Variants in ADGRG2 observed in about 807,000 individuals in gnomAD.
ADGRG2 encodes the protein G protein-coupled receptor 64.
In ADGRG2, 26 loss-of-function variants were observed where a neutral mutation model predicts 74.1. That is an observed-to-expected ratio of 0.35 (90% CI 0.26 to 0.49). The LOEUF is 0.49. Ranked by LOEUF, ADGRG2 falls within the 20% of genes least tolerant of loss-of-function variation. The pLI, the probability that ADGRG2 is intolerant of heterozygous loss-of-function variation, is 0.99. For synonymous variants in ADGRG2, 296 were observed against 295.2 expected, an observed-to-expected ratio of 1.00 and a Z score of -0.03; for missense variants, 619 against 763.1, an observed-to-expected ratio of 0.81 and a Z score of 2.22.
intron 15 of ADGRG2, among the ~76,000 whole-genome samples, chrX:19,015,812 T>C (rs1271173218): frequency 1.8e-5 from 2 of 112,311 alleles, no homozygotes; most frequent in Non-Finnish European, 3.8e-5. Flanking sequence ...TCAGGCTCCA[T>C]TCCCTAAACT....
At chrX:19,034,737 A>G (rs2060899303) in intron 7 of ADGRG2, 1 of 111,351 alleles carries the variant, frequency 9.0e-6, no homozygotes, top group African/African-American at 3.3e-5. Context: ...GATCGAGACT[A>G]TCCTGGCTAA....
chrX:19,038,782 T>C (rs925509107), intron 4 of ADGRG2, among the ~76,000 whole-genome samples: 6 of 111,529 alleles, frequency 5.4e-5, no homozygotes, highest in Admixed American at 4.8e-4. Flanking sequence ...ACCCAGTGTG[T>C]CCCCCCAGAG....
chrX:19,089,527 C>T (rs1270836164), intron 1 of ADGRG2, among the ~76,000 whole-genome samples: 9 of 111,640 alleles, frequency 8.1e-5, no homozygotes, highest in African/African-American at 2.9e-4. Flanking sequence ...ATTGCAAAAT[C>T]CATGCAATGT....
intron 15 of ADGRG2, among the ~76,000 whole-genome samples, chrX:19,015,393 G>A (rs1335827832): frequency 1.8e-5 from 2 of 112,335 alleles, no homozygotes; most frequent in African/African-American, 6.5e-5. Flanking sequence ...GAGGATAAAG[G>A]GTGTCAGACA....
At chrX:19,005,688 G>C (rs1264672770) in intron 22 of ADGRG2, among the ~76,000 whole-genome samples, 1 of 109,835 alleles carries the variant, frequency 9.1e-6, no homozygotes, top group East Asian at 2.9e-4. Context: ...TGAGTAGCTG[G>C]GACTACAGGT....
At chrX:19,092,602 G>GC (rs1396805950) in intron 1 of ADGRG2, among the ~76,000 whole-genome samples, 1 of 111,459 alleles carries the variant, frequency 9.0e-6, no homozygotes, top group East Asian at 2.8e-4. Context: ...AAGCAGTCCT[G>GC]CAGCTCCAAG....
rs564254231 is a variant in ADGRG2, at chrX:19,014,804, T to C, written c.711-730A>G. Among the ~76,000 whole-genome samples, 549 of 111,372 alleles carry C rather than the reference T, an allele frequency of 4.9e-3. 1 individual carries two copies. The highest frequency in any genetic ancestry group is 0.019 in the Middle Eastern group (4 of 214). ...CCTGCCACCATGCCCGGCTACTTTTTGTATTTTTAGTAGAGATGGGGTTTT... is the reference window on the plus strand; with the variant it reads ...CCTGCCACCATGCCCGGCTACTTTTCGTATTTTTAGTAGAGATGGGGTTTT... On this transcript the variant is annotated intron_variant, in intron 15 of 28. Transcript: ENST00000379869.
chrX:19,102,877 T>C (rs1278448821), intron 1 of ADGRG2, among the ~76,000 whole-genome samples: 1 of 111,319 alleles, frequency 9.0e-6, no homozygotes, highest in Non-Finnish European at 1.9e-5. Flanking sequence ...CCTCCAGAAT[T>C]AAGAGAAATA....
chrX:19,036,741 G>A (rs187834525), intron 6 of ADGRG2, among the ~76,000 whole-genome samples: 216 of 110,776 alleles, frequency 1.9e-3, no homozygotes, highest in Middle Eastern at 9.3e-3. Flanking sequence ...GATAACATCT[G>A]TCCCTTCCCA....
chrX:19,100,639 T>C (rs1395931099), intron 1 of ADGRG2, among the ~76,000 whole-genome samples: 1 of 113,777 alleles, frequency 8.8e-6, no homozygotes, highest in African/African-American at 3.2e-5. Flanking sequence ...CACTGGAAGA[T>C]AAGCTTCTTT....
chrX:19,008,621 G>A (rs972158801), intron 18 of ADGRG2, among the ~76,000 whole-genome samples: 12 of 109,830 alleles, frequency 1.1e-4, no homozygotes, highest in Non-Finnish European at 1.7e-4. Flanking sequence ...AGCCAAGATC[G>A]CACCAATGCA....
At chrX:19,010,291 T>C (rs2060329065) in intron 17 of ADGRG2, among the ~76,000 whole-genome samples, 1 of 109,402 alleles carries the variant, frequency 9.1e-6, no homozygotes, top group Non-Finnish European at 1.9e-5. Context: ...TGGCTAATCT[T>C]TGTATTTTTA....
At chrX:19,114,051 G>A (rs1216289393) in intron 1 of ADGRG2, among the ~76,000 whole-genome samples, 4 of 94,269 alleles carry the variant, frequency 4.2e-5, no homozygotes, top group Non-Finnish European at 6.1e-5. Flanking sequence ...CAGCCTGGGC[G>A]ACGGGGCAAG....
intron 2 of ADGRG2, among the ~76,000 whole-genome samples, chrX:19,072,546 C>T (rs748937056): frequency 8.9e-6 from 1 of 111,931 alleles, no homozygotes; most frequent in South Asian, 3.8e-4. Context: ...TACTCAGTGA[C>T]TCAGTGTACA....
chrX:19,072,168 C>A (rs958941227), intron 2 of ADGRG2, among the ~76,000 whole-genome samples: 5 of 78,620 alleles, frequency 6.4e-5, no homozygotes, highest in African/African-American at 2.0e-4. Context: ...AGTTTTTTTG[C>A]AATTTTTTTT....
At chrX:19,030,555 C>T (rs747008675) in intron 9 of ADGRG2, among the ~76,000 whole-genome samples, 1 of 111,969 alleles carries the variant, frequency 8.9e-6, no homozygotes, top group Non-Finnish European at 1.9e-5. Flanking sequence ...ACAGGCTGAT[C>T]CGCTTTATTC....
At chrX:19,105,964 A>AAGG (rs2062283131) in intron 1 of ADGRG2, among the ~76,000 whole-genome samples, 1 of 106,431 alleles carries the variant, frequency 9.4e-6, no homozygotes, top group Non-Finnish European at 1.9e-5. Context: ...GAAGAAGAAG[A>AAGG]AGGTAACTCT....
intron 1 of ADGRG2, among the ~76,000 whole-genome samples, chrX:19,121,105 C>G (rs1353708987): frequency 9.0e-6 from 1 of 111,642 alleles, no homozygotes; most frequent in Non-Finnish European, 1.9e-5. Flanking sequence ...ACTGTTTATT[C>G]TCTCTGAGGG....
intron 1 of ADGRG2, among the ~76,000 whole-genome samples, chrX:19,108,875 TAATTTGTACTTC>T (rs1276838205): frequency 9.0e-6 from 1 of 111,419 alleles, no homozygotes; most frequent in Non-Finnish European, 1.9e-5. Context: ...GTAATGTGTA[TAATTTGTACTTC>T]AATAAAAGTT....
Sources: allele counts gnomAD v4.1 joint callset (sites outside exome capture counted in the v4.1 genomes callset), GRCh38; gene constraint gnomAD v4.1.1; transcripts MANE v1.5; gene names NCBI Gene and HGNC (gene_info 2026-07-23, HGNC 2026-07-21).